HMCN1: variants seen among roughly 807,000 people sequenced by gnomAD.
HMCN1 encodes the protein hemicentin 1, also known as hemicentin-1.
Under a neutral mutation model 625.9 loss-of-function variants are expected in HMCN1, and 321 were observed. That is an observed-to-expected ratio of 0.51 (90% CI 0.47 to 0.56). The LOEUF is 0.56. Among genes scored for constraint, HMCN1 ranks in the 20% least tolerant of loss-of-function variants. HMCN1 has a pLI of 0.00. For missense variants in HMCN1, 6,588 were observed against 6,887.3 expected, an observed-to-expected ratio of 0.96 and a Z score of 1.54; for synonymous variants, 2,425 against 2,417.6, an observed-to-expected ratio of 1.00 and a Z score of -0.09.
chr1:186,083,387 G>T (rs556571503), intron 57 of HMCN1, among the ~76,000 whole-genome samples: 1 of 148,562 alleles, frequency 6.7e-6, no homozygotes, highest in South Asian at 2.1e-4. Context: ...CCCTGGAGAA[G>T]AAAAAGTCAC....
At chr1:186,171,750 T>G (rs1652247772) in intron 101 of HMCN1, among the ~76,000 whole-genome samples, 1 of 152,136 alleles carries the variant, frequency 6.6e-6, no homozygotes, top group East Asian at 1.9e-4. Context: ...ATATATAAAT[T>G]TTATTTTTCT....
chr1:186,003,592 G>T (rs1230038792), intron 28 of HMCN1, 126 bp from the exon 29 acceptor site: 5 of 840,610 alleles, frequency 5.9e-6, no homozygotes, highest in South Asian at 1.4e-5. Context: ...GTATTGTTGT[G>T]TGGTATTTTA....
intron 11 of HMCN1, among the ~76,000 whole-genome samples, chr1:185,941,787 ATTTT>A (rs1245726898): frequency 6.6e-6 from 1 of 152,242 alleles, no homozygotes; most frequent in Non-Finnish European, 1.5e-5. Flanking sequence ...GAGAACTTTA[ATTTT>A]AGATGAAAAG....
intron 51 of HMCN1, among the ~76,000 whole-genome samples, 184 bp downstream of exon 51, chr1:186,069,960 T>C (rs141845241): frequency 3.3e-5 from 5 of 152,370 alleles, no homozygotes; most frequent in Admixed American, 1.3e-4. Context: ...TGCTTCAAGA[T>C]GTGAAGAGCC....
chr1:185,736,482 G>A lies in HMCN1; in HGVS notation c.268+1435G>A, dbSNP rs10737264. The stretch of plus-strand genomic sequence containing the variant: ...TTTTTGTTATTTCGGAATACCTTGA[G>A]TATGTTTCTTCTAGATGGATGAGTC... On this transcript the variant is annotated intron_variant, in intron 1 of 106. Coordinates refer to ENST00000271588, the MANE Select transcript of HMCN1 (RefSeq NM_031935.3). Among the ~76,000 whole-genome samples, 1,005 of 152,230 alleles carry A rather than the reference G, an allele frequency of 6.6e-3. 8 individuals are homozygous for A. The highest frequency in any genetic ancestry group is 0.027 in the Middle Eastern group (8 of 294).
chr1:186,078,904 C>A (rs1658994855), intron 55 of HMCN1, among the ~76,000 whole-genome samples: 1 of 152,100 alleles, frequency 6.6e-6, no homozygotes, highest in Non-Finnish European at 1.5e-5. Flanking sequence ...TAACAATTAA[C>A]ATAGATTTTA....
chr1:186,160,879 GA>G (rs1175736449), intron 97 of HMCN1, among the ~76,000 whole-genome samples: 3 of 150,716 alleles, frequency 2.0e-5, no homozygotes, highest in Non-Finnish European at 2.9e-5. Flanking sequence ...GTGTGGTGCT[GA>G]AAAAAATGTA....
chr1:185,739,072 T>C (rs140865115), intron 1 of HMCN1, among the ~76,000 whole-genome samples: 4 of 152,294 alleles, frequency 2.6e-5, no homozygotes, highest in Non-Finnish European at 5.9e-5. Context: ...TTTGTGTACA[T>C]GTGTACTCAG....
In HMCN1 at chr1:186,000,116, A is replaced by T; in HGVS notation, c.3946A>T (p.Ile1316Phe). 6.2e-7 allele frequency: 1 copy of T among 1,613,146 alleles called. No homozygotes were observed. The highest frequency in any genetic ancestry group is 8.5e-7 in the Non-Finnish European group (1 of 1,179,334). ...ELTGREPGIS[I>F]LEDGTLLVIA... ...GACAGGCAGAGAGCCTGGCATTTCTATCTTGGAAGATGGCACATTGCTGGT... is the reference window on the plus strand; with the variant it reads ...GACAGGCAGAGAGCCTGGCATTTCTTTCTTGGAAGATGGCACATTGCTGGT... Residue 1316 changes from isoleucine (I) to phenylalanine (F), a missense_variant, in exon 26 of 107, where the codon ATC (isoleucine) becomes TTC (phenylalanine). Physicochemically the swap from Ile to Phe is conservative, Grantham distance 21. This residue lies in a region of HMCN1 where 4,628 missense variants were observed against 4,853.1 expected (regional missense o/e 0.95). Transcript: ENST00000271588.
intron 42 of HMCN1, among the ~76,000 whole-genome samples, chr1:186,050,982 A>C (rs1323578208): frequency 6.6e-6 from 1 of 152,056 alleles, no homozygotes; most frequent in African/African-American, 2.4e-5. Context: ...CTGAGCCCTT[A>C]AGGATGAATA....
chr1:185,928,417 T>A, intron 9 of HMCN1, 129 bp from the exon 10 acceptor site: 1 of 760,962 alleles, frequency 1.3e-6, no homozygotes, highest in South Asian at 1.5e-5. Flanking sequence ...AAAAGAACTC[T>A]GCAGTTTTAT....
intron 1 of HMCN1, among the ~76,000 whole-genome samples, chr1:185,787,390 A>C (rs966332618): frequency 6.6e-6 from 1 of 152,196 alleles, no homozygotes; most frequent in Non-Finnish European, 1.5e-5. Context: ...GGCGCATGCC[A>C]TACTCAATCA....
intron 4 of HMCN1, among the ~76,000 whole-genome samples, chr1:185,892,629 CG>C (rs1238951715): frequency 6.6e-6 from 1 of 152,074 alleles, no homozygotes; most frequent in African/African-American, 2.4e-5. Flanking sequence ...GCTCGGGGGT[CG>C]GGGGTCAGGG....
chr1:186,105,072 C>T (rs1368563186), intron 69 of HMCN1, among the ~76,000 whole-genome samples: 1 of 152,068 alleles, frequency 6.6e-6, no homozygotes, highest in African/African-American at 2.4e-5. Flanking sequence ...ATGAAGGTGT[C>T]ATAGAGTGTT....
chr1:186,174,707 G>C, intron 103 of HMCN1, 65 bp downstream of exon 103: 2 of 1,454,998 alleles, frequency 1.4e-6, no homozygotes, highest in Admixed American at 3.4e-5. Context: ...TTACCAACTC[G>C]CTTAGGGCCA....
chr1:186,107,519 G>A (rs1660665823), intron 70 of HMCN1, among the ~76,000 whole-genome samples: 1 of 152,126 alleles, frequency 6.6e-6, no homozygotes, highest in Non-Finnish European at 1.5e-5. Context: ...TTTATATAGT[G>A]TACCTATAGA....
chr1:185,928,598 G>A lies in HMCN1; in HGVS notation c.1483G>A (p.Gly495Ser). The change falls in exon 10 of 107, where the codon GGT (glycine) becomes AGT (serine). Residue 495 changes from glycine to serine, a missense_variant. By Grantham distance (56) the Gly-to-Ser change is moderately conservative (BLOSUM62 0). This residue lies in a region of HMCN1 where 4,628 missense variants were observed against 4,853.1 expected (regional missense o/e 0.95). Coordinates refer to ENST00000271588, the MANE Select transcript of HMCN1 (RefSeq NM_031935.3). ...TGCAAAGGTCACTTTGTCTGACGAA[G>A]GTTTCTATGAATGCATTGCTGTCAG... The part of the protein sequence containing the change: ...DIAKVTLSDE[G>S]FYECIAVSSA... 2.5e-6 allele frequency: 4 copies of A among 1,613,448 alleles called. No homozygotes were observed. The highest frequency in any genetic ancestry group is 3.4e-6 in the Non-Finnish European group (4 of 1,179,442).
intron 52 of HMCN1, among the ~76,000 whole-genome samples, chr1:186,070,985 T>G (rs1658444719): frequency 6.6e-6 from 1 of 152,346 alleles, no homozygotes; most frequent in South Asian, 2.1e-4. Context: ...ATAATTATTT[T>G]GTAATTGTAT....
chr1:185,857,399 T>TA (rs1662531983), intron 2 of HMCN1, among the ~76,000 whole-genome samples: 1 of 152,306 alleles, frequency 6.6e-6, no homozygotes, highest in East Asian at 1.9e-4. Context: ...AGACCCTTTC[T>TA]AAAATGTATT....
Sources: allele counts gnomAD v4.1 joint callset (sites outside exome capture counted in the v4.1 genomes callset), GRCh38; gene constraint gnomAD v4.1.1; regional missense constraint gnomAD v4.1.1; transcripts MANE v1.5; gene names NCBI Gene and HGNC (gene_info 2026-07-23, HGNC 2026-07-21).